Variants in AMMECR1 observed in about 807,000 individuals in gnomAD.
AMMECR1 encodes AMMECR nuclear protein 1.
A neutral mutation model predicts 22.5 loss-of-function variants in AMMECR1; 3 were observed. The observed-to-expected ratio is 0.13, with a 90% CI of 0.06 to 0.35. The LOEUF (loss-of-function observed/expected upper bound fraction) is 0.35, where lower values mean the gene tolerates loss of function less well. AMMECR1 is among the 10% of genes least tolerant of loss of function. AMMECR1 has a pLI of 1.00. For synonymous variants in AMMECR1, 130 were observed against 116.7 expected, an observed-to-expected ratio of 1.11 and a Z score of -0.74; for missense variants, 235 against 278.7, an observed-to-expected ratio of 0.84 and a Z score of 1.12.
intron 2 of AMMECR1, among the ~76,000 whole-genome samples, chrX:110,343,191 C>T (rs988982609): frequency 1.2e-4 from 13 of 111,768 alleles, no homozygotes; most frequent in Admixed American, 4.7e-4. Context: ...GTTCAACATA[C>T]GCAAATCAAT....
At chrX:110,220,955 T>C (rs2067497135) in intron 2 of AMMECR1, among the ~76,000 whole-genome samples, 1 of 112,688 alleles carries the variant, frequency 8.9e-6, no homozygotes, top group Non-Finnish European at 1.9e-5. Context: ...AGGCTCATCG[T>C]AAACGATAGA....
At chrX:110,212,264 G>A (rs1210081562) in intron 3 of AMMECR1, among the ~76,000 whole-genome samples, 1 of 111,813 alleles carries the variant, frequency 8.9e-6, no homozygotes, top group Non-Finnish European at 1.9e-5. Flanking sequence ...TGAAAACTGG[G>A]TGGCTATTAC....
At chrX:110,221,193 C>T (rs1051990555) in intron 2 of AMMECR1, among the ~76,000 whole-genome samples, 1 of 111,995 alleles carries the variant, frequency 8.9e-6, no homozygotes, top group Non-Finnish European at 1.9e-5. Context: ...ATGTTTTAGT[C>T]TAAAACTAAA....
At chrX:110,235,217 G>A (rs2067593804) in intron 2 of AMMECR1, among the ~76,000 whole-genome samples, 2 of 112,284 alleles carry the variant, frequency 1.8e-5, no homozygotes, top group African/African-American at 6.5e-5. Flanking sequence ...GCAGCCAACA[G>A]ACACATGAAA....
intron 2 of AMMECR1, among the ~76,000 whole-genome samples, chrX:110,412,918 A>T (rs142950922): frequency 0.039 from 4,337 of 112,159 alleles, 214 homozygotes; most frequent in African/African-American, 0.14. Flanking sequence ...AGCAATAATT[A>T]GAGTTGTTTG....
rs926626891 is a variant in AMMECR1, at chrX:110,371,165, C to T, written c.-147-53316G>A. ...TTGAGAGGAACATACAGAGAGTTCC[C>T]GTTAGCCCCTAAAGATCCAGTTTTC... On this transcript the variant is annotated intron_variant, in intron 2 of 7. Transcript: ENST00000372057. 5.4e-5 allele frequency among the ~76,000 whole-genome samples: 6 copies of T among 110,632 alleles called. 1 individual carries two copies. Among genetic ancestry groups the T allele is most frequent in the Admixed American group, 4.8e-4 (5 of 10,434 alleles).
chrX:110,226,371 C>A (rs957854142), intron 2 of AMMECR1, among the ~76,000 whole-genome samples: 1 of 111,400 alleles, frequency 9.0e-6, no homozygotes, highest in African/African-American at 3.3e-5. Context: ...TTTGGGAGGC[C>A]AAGGCAGGCG....
At chrX:110,409,022 G>C (rs1264245805) in intron 2 of AMMECR1, among the ~76,000 whole-genome samples, 1 of 111,794 alleles carries the variant, frequency 8.9e-6, no homozygotes, top group African/African-American at 3.3e-5. Flanking sequence ...CACTGTGCTA[G>C]CCTGATGGCT....
intron 1 of AMMECR1, among the ~76,000 whole-genome samples, chrX:110,272,738 G>C (rs2067805927): frequency 8.9e-6 from 1 of 111,815 alleles, no homozygotes; most frequent in Non-Finnish European, 1.9e-5. Context: ...TCACTGTTTA[G>C]CTCCCATTTA....
chrX:110,304,025 T>C (rs1310852787), intron 1 of AMMECR1, among the ~76,000 whole-genome samples: 1 of 112,359 alleles, frequency 8.9e-6, no homozygotes, highest in Non-Finnish European at 1.9e-5. Flanking sequence ...ATTTTGCTTG[T>C]TTTTTTCTTC....
intron 2 of AMMECR1, among the ~76,000 whole-genome samples, chrX:110,342,067 A>G (rs1486316341): frequency 9.0e-6 from 1 of 111,206 alleles, no homozygotes; most frequent in Non-Finnish European, 1.9e-5. Flanking sequence ...TCATTTTTAA[A>G]AAACAGAAAA....
At chrX:110,413,263 C>A (rs2068653785) in intron 2 of AMMECR1, among the ~76,000 whole-genome samples, 1 of 111,432 alleles carries the variant, frequency 9.0e-6, no homozygotes, top group Non-Finnish European at 1.9e-5. Flanking sequence ...TACCTCCGGG[C>A]CTGGAAGTGC....
rs191655477 is a variant in AMMECR1, at chrX:110,281,997, G to A, written c.474-17398C>T. ...TAGGTTAATATAAAAGAGTGAATGA[G>A]AATACATCACACTAGAGAGTTTTGT... On this transcript the variant is annotated intron_variant, in intron 1 of 5. Transcript: ENST00000262844. 2.0e-3 allele frequency among the ~76,000 whole-genome samples: 224 copies of A among 111,834 alleles called. 1 individual carries two copies. Among genetic ancestry groups the A allele is most frequent in the African/African-American group, 7.0e-3 (217 of 30,794 alleles).
At chrX:110,249,829 G>A (rs1417590338) in intron 2 of AMMECR1, among the ~76,000 whole-genome samples, 1 of 111,595 alleles carries the variant, frequency 9.0e-6, no homozygotes, top group Non-Finnish European at 1.9e-5. Context: ...GAACCTGGGA[G>A]GCAGAGGTTG....
At chrX:110,395,465 C>T (rs1295275296) in intron 2 of AMMECR1, among the ~76,000 whole-genome samples, 1 of 111,568 alleles carries the variant, frequency 9.0e-6, no homozygotes. Flanking sequence ...CCTGCATTTC[C>T]TTGGTAATCC....
intron 1 of AMMECR1, among the ~76,000 whole-genome samples, chrX:110,288,255 T>G (rs767383040): frequency 8.0e-5 from 9 of 111,949 alleles, no homozygotes; most frequent in Non-Finnish European, 1.5e-4. Flanking sequence ...TTTTGGCATT[T>G]TTTAGGTGGC....
intron 2 of AMMECR1, among the ~76,000 whole-genome samples, chrX:110,414,497 T>C (rs1443713507): frequency 8.9e-6 from 1 of 112,888 alleles, no homozygotes; most frequent in Non-Finnish European, 1.9e-5. Context: ...GCATGCAGTG[T>C]TTCATTTAAT....
intron 2 of AMMECR1, among the ~76,000 whole-genome samples, chrX:110,264,174 C>T (rs1004349030): frequency 9.0e-6 from 1 of 110,543 alleles, no homozygotes; most frequent in Non-Finnish European, 1.9e-5. Context: ...ATAGAAATCA[C>T]ATATTTTGGT....
At chrX:110,365,462 A>C (rs768255347) in intron 2 of AMMECR1, among the ~76,000 whole-genome samples, 1 of 112,388 alleles carries the variant, frequency 8.9e-6, no homozygotes, top group Non-Finnish European at 1.9e-5. Flanking sequence ...ATGTGACAAT[A>C]TCATTTCATA....
Sources: allele counts gnomAD v4.1 joint callset (sites outside exome capture counted in the v4.1 genomes callset), GRCh38; gene constraint gnomAD v4.1.1; transcripts MANE v1.5; gene names NCBI Gene and HGNC (gene_info 2026-07-23, HGNC 2026-07-21).